The following BBS12 variants were observed in gnomAD, a reference collection of about 807,000 sequenced individuals.
The protein encoded by BBS12 is Bardet-Biedl syndrome 12.
BBS12 carries 5 observed loss-of-function variants against 5.6 expected under a neutral mutation model. That is an observed-to-expected ratio of 0.89 (90% CI 0.46 to 1.86). BBS12 has a LOEUF of 1.86. Among genes scored for constraint, BBS12 ranks in the 40% most tolerant of loss-of-function variants. The pLI is 0.01. For missense variants in BBS12, 748 were observed against 830.4 expected (o/e 0.90, Z 1.22); for synonymous variants, 308 against 306.8 (o/e 1.00, Z -0.04).
intron 1 of BBS12, among the ~76,000 whole-genome samples, chr4:122,738,355 T>C (rs1304133073): frequency 5.3e-5 from 8 of 152,054 alleles, no homozygotes; most frequent in African/African-American, 1.9e-4. Context: ...GGACTACAGG[T>C]GCCTGTCACC....
chr4:122,731,379 A>C (rs1449900753), upstream of BBS12: 2 of 152,158 alleles, frequency 1.3e-5, no homozygotes, highest in African/African-American at 4.8e-5. Flanking sequence ...CCTCTTCTCC[A>C]CATCATAGTC....
chr4:122,712,826 G>A, the BBS12 span, among the ~76,000 whole-genome samples: 8 of 152,246 alleles, frequency 5.3e-5, no homozygotes, highest in East Asian at 7.7e-4. Context: ...GTGTGTTATC[G>A]GAACGTTGAC....
rs566386288 is a variant in BBS12 at position 122,744,774 on chromosome 4, G to A, written c.*749G>A. The stretch of plus-strand genomic sequence containing the variant: ...AGGCTATTATCAGACACAGCAGCAG[G>A]ATGAAGCCAACCTGCAGTATTAACC... On this transcript the variant is annotated 3_prime_UTR_variant, in exon 2 of 2. Coordinates refer to ENST00000314218, the MANE Select transcript of BBS12 (RefSeq NM_152618.3). 6.0e-6 allele frequency: 1 copy of A among 167,226 alleles called. No individual in the cohort carries two copies. Among genetic ancestry groups the A allele is most frequent in the South Asian group, 2.1e-4 (1 of 4,832 alleles). 10.4% of individuals were successfully genotyped at this position (167,226 alleles called of 1,614,324 possible).
the BBS12 span, among the ~76,000 whole-genome samples, chr4:122,703,501 C>T: frequency 7.2e-5 from 11 of 152,148 alleles, no homozygotes; most frequent in Non-Finnish European, 1.6e-4. Context: ...ATGATGGTGC[C>T]ACTGCACTCC....
At position 122,742,637 on chromosome 4, in the gene BBS12, C is replaced by G. The variant is rs758191621; in HGVS notation, c.745C>G (p.Pro249Ala). 7 of 1,614,044 alleles carry G rather than the reference C, an allele frequency of 4.3e-6. No individual in the cohort carries two copies. The highest frequency in any genetic ancestry group is 4.5e-5 in the East Asian group (2 of 44,900). ...RTDNTEGVSK[P>A]DGFQEHVTAT... ...AGATAATACTGAAGGGGTAAGCAAACCAGATGGATTTCAAGAACATGTTAC... is the reference window on the plus strand; with the variant it reads ...AGATAATACTGAAGGGGTAAGCAAAGCAGATGGATTTCAAGAACATGTTAC... Residue 249 changes from proline to alanine, a missense_variant, in exon 2 of 2, where the codon CCA becomes GCA. Transcript: ENST00000314218.
rs931117746 is a variant in BBS12 at position 122,743,805 on chromosome 4, A to G, written c.1913A>G (p.Asn638Ser). 10 of 1,613,294 alleles carry G rather than the reference A, an allele frequency of 6.2e-6. No homozygotes were observed. The Admixed American group carries it at 1.7e-4, about 27-fold the overall frequency. The part of the protein sequence containing the change: ...DSGSPSSYIL[N>S]EYSKLNSRIF... The stretch of plus-strand genomic sequence containing the variant: ...GGCTCTCCTTCATCTTACATCTTGA[A>G]TGAATATAGTAAACTAAATAGTAGA... Residue 638 changes from asparagine (N) to serine (S), a missense_variant, in exon 2 of 2, where the codon AAT (asparagine) becomes AGT (serine). Asn to Ser is a conservative substitution (Grantham distance 46, BLOSUM62 1). Transcript: ENST00000314218.
the BBS12 span, among the ~76,000 whole-genome samples, chr4:122,706,409 G>A: frequency 1.3e-5 from 2 of 152,158 alleles, no homozygotes; most frequent in African/African-American, 4.8e-5. Flanking sequence ...TCATTTGGCT[G>A]GTGATCTTTT....
intron 1 of BBS12, among the ~76,000 whole-genome samples, chr4:122,737,777 T>C (rs1016160994): frequency 2.0e-5 from 3 of 152,214 alleles, no homozygotes; most frequent in Non-Finnish European, 4.4e-5. Context: ...CCAAACTTAC[T>C]ACAAAGCTAT....
the BBS12 span, among the ~76,000 whole-genome samples, chr4:122,702,248 A>T: frequency 2.0e-5 from 3 of 152,180 alleles, no homozygotes; most frequent in Non-Finnish European, 4.4e-5. Flanking sequence ...AGTTGTTCAA[A>T]TTTTTTAGTA....
At chr4:122,722,776 T>A in the BBS12 span, among the ~76,000 whole-genome samples, 1 of 152,190 alleles carries the variant, frequency 6.6e-6, no homozygotes, top group Non-Finnish European at 1.5e-5. Context: ...TTCTATTGTA[T>A]GTATCATCAT....
chr4:122,712,874 A>G, the BBS12 span, among the ~76,000 whole-genome samples: 1 of 152,246 alleles, frequency 6.6e-6, no homozygotes, highest in South Asian at 2.1e-4. Flanking sequence ...TGAAAATATC[A>G]AAACTTCCTT....
Position 122,736,029 on chromosome 4 carries a change from G to A in BBS12, c.-11+3145G>A, listed in dbSNP as rs147223765. On this transcript the variant is annotated intron_variant, in intron 1 of 1. Transcript: ENST00000314218. The stretch of plus-strand genomic sequence containing the variant: ...CTTAGGGAAGAGCATTCCAGAAAGA[G>A]GGAACAACTAGAACAGAAACATTAA... 1.9e-3 allele frequency among the ~76,000 whole-genome samples: 287 copies of A among 152,172 alleles called. 1 individual carries two copies. Among genetic ancestry groups the A allele is most frequent in the Non-Finnish European group, 3.3e-3 (224 of 67,990 alleles).
chr4:122,704,392 G>A, the BBS12 span, among the ~76,000 whole-genome samples: 537 of 152,290 alleles, frequency 3.5e-3, 1 homozygote, highest in African/African-American at 0.012. Flanking sequence ...AATTGGCTAC[G>A]TTTTGTTAAA....
the BBS12 span, among the ~76,000 whole-genome samples, chr4:122,701,121 A>AT: frequency 6.6e-6 from 1 of 152,194 alleles, no homozygotes; most frequent in Non-Finnish European, 1.5e-5. Flanking sequence ...AAATAATCTC[A>AT]TTTTAACTAA....
chr4:122,742,270 G>T lies in BBS12; in HGVS notation c.378G>T (p.Glu126Asp), dbSNP rs309369. The change falls in exon 2 of 2, where the codon GAG becomes GAT. Residue 126 changes from glutamate (E) to aspartate (D), a missense_variant. Coordinates refer to ENST00000314218, the MANE Select transcript of BBS12 (RefSeq NM_152618.3). ...MSEGLNFCSE[E>D]VVSLHVPVHN... is the part of the protein sequence containing the mutation. ...AAGGCTTAAACTTTTGTAGTGAAGA[G>T]GTAGTTTCTCTTCATGTACCTGTTC... is the stretch of plus-strand genomic sequence containing the variant. The T allele has an allele frequency of 3.2e-3, 5,204 of 1,613,782 alleles. 151 individuals carry two copies. The African/African-American group carries it at 0.062, about 19-fold the overall frequency.
chr4:122,707,966 TTCCTTC>T, the BBS12 span, among the ~76,000 whole-genome samples: 15 of 150,676 alleles, frequency 1.0e-4, no homozygotes, highest in Non-Finnish European at 1.5e-4. Flanking sequence ...CCTTCCTTCC[TTCCTTC>T]CTTTCTTTCT....
chr4:122,721,421 A>G, the BBS12 span, among the ~76,000 whole-genome samples: 1 of 152,246 alleles, frequency 6.6e-6, no homozygotes, highest in Non-Finnish European at 1.5e-5. Flanking sequence ...AGTAGGAATT[A>G]AATGTTAACC....
chr4:122,725,891 C>A, the BBS12 span, among the ~76,000 whole-genome samples: 1 of 99,930 alleles, frequency 1.0e-5, no homozygotes, highest in East Asian at 3.6e-4. Context: ...GAGCAAGACT[C>A]TGTCTCAAAA....
At chr4:122,731,579 A>G (rs1308733287), upstream of BBS12, 1 of 152,236 alleles carries the variant, frequency 6.6e-6, no homozygotes, top group Admixed American at 6.5e-5. Context: ...ATGGCAAAAA[A>G]AAATCTTCAA....
Sources: gnomAD v4.1 joint callset for allele counts (sites outside exome capture counted in the v4.1 genomes callset) on GRCh38, gnomAD v4.1.1 for gene constraint, MANE v1.5 for transcripts, NCBI Gene and HGNC (gene_info 2026-07-23, HGNC 2026-07-21) for gene names.